Variants in COL14A1 observed in about 807,000 individuals in gnomAD.
The protein encoded by COL14A1 is collagen type XIV alpha 1 chain.
COL14A1 carries 136 observed loss-of-function variants against 230.3 expected under a neutral mutation model. That is an observed-to-expected ratio of 0.59 (90% CI 0.51 to 0.68). COL14A1 has a LOEUF of 0.68. Ranked by LOEUF, COL14A1 falls within the 30% of genes least tolerant of loss-of-function variation. The pLI is 0.00. For missense variants in COL14A1, 1,976 were observed against 2,215.8 expected (o/e 0.89, Z 2.17); for synonymous variants, 792 against 784.1 (o/e 1.01, Z -0.17).
At chr8:120,211,997 T>C (rs1409019229) in intron 12 of COL14A1, among the ~76,000 whole-genome samples, 2 of 152,226 alleles carry the variant, frequency 1.3e-5, no homozygotes, top group Non-Finnish European at 2.9e-5. Flanking sequence ...CCCAGCTTCA[T>C]TGAGTTTGAA....
At chr8:120,210,592 T>A (rs1817589287) in intron 12 of COL14A1, among the ~76,000 whole-genome samples, 1 of 152,214 alleles carries the variant, frequency 6.6e-6, no homozygotes, top group Non-Finnish European at 1.5e-5. Context: ...GACCTTCAGA[T>A]GACTTTCAAA....
At chr8:120,147,964 G>T (rs890149076) in intron 2 of COL14A1, 34 bp downstream of exon 2, 1 of 1,391,780 alleles carries the variant, frequency 7.2e-7, no homozygotes, top group African/African-American at 1.4e-5. Flanking sequence ...GTAGGGTCTG[G>T]GACTCTAGCT....
intron 46 of COL14A1, among the ~76,000 whole-genome samples, chr8:120,368,581 C>A (rs1470380635): frequency 6.9e-6 from 1 of 145,034 alleles, no homozygotes; most frequent in African/African-American, 2.6e-5. Flanking sequence ...TGTTGGAACC[C>A]GGACCTAAAA....
At position 120,332,742 on chromosome 8, in the gene COL14A1, A is replaced by G. The variant is rs964467653; in HGVS notation, c.4785+7A>G. 1.2e-6 allele frequency: 2 copies of G among 1,610,416 alleles called. No homozygotes were observed. Among genetic ancestry groups the G allele is most frequent in the Non-Finnish European group, 1.7e-6 (2 of 1,177,574 alleles). ...AGGCGCCCTGGGACCACCTGTGAGTATGCAGCGGTAGCTGCTCAGAATGTA... is the reference window on the plus strand; with the variant it reads ...AGGCGCCCTGGGACCACCTGTGAGTGTGCAGCGGTAGCTGCTCAGAATGTA... On this transcript the variant is annotated splice_region_variant and intron_variant, in intron 42 of 47. Transcript: ENST00000297848.
chr8:120,316,616 C>T (rs866045769), intron 40 of COL14A1, among the ~76,000 whole-genome samples: 1 of 152,106 alleles, frequency 6.6e-6, no homozygotes, highest in Middle Eastern at 3.4e-3. Context: ...TTATTACATG[C>T]TATCATGGGA....
intron 3 of COL14A1, among the ~76,000 whole-genome samples, chr8:120,160,957 A>G (rs1224883283): frequency 2.0e-5 from 3 of 152,160 alleles, no homozygotes; most frequent in African/African-American, 7.2e-5. Flanking sequence ...ATAACTCTCA[A>G]AGAGGGACTC....
At chr8:120,314,235 T>C (rs539146780) in intron 38 of COL14A1, among the ~76,000 whole-genome samples, 2 of 152,334 alleles carry the variant, frequency 1.3e-5, no homozygotes, top group Middle Eastern at 3.4e-3. Flanking sequence ...TGCATACTTA[T>C]TGGAGGTAGG....
At chr8:120,310,625 G>T (rs1361112604) in intron 37 of COL14A1, among the ~76,000 whole-genome samples, 1 of 152,140 alleles carries the variant, frequency 6.6e-6, no homozygotes, top group Non-Finnish European at 1.5e-5. Context: ...TTGCACAAAG[G>T]CATCCTGAGG....
chr8:120,225,220 C>T lies in COL14A1; in HGVS notation c.1864+6C>T. On this transcript the variant is annotated splice_donor_region_variant and intron_variant, in intron 15 of 47. Transcript: ENST00000297848. The stretch of plus-strand genomic sequence containing the variant: ...GACTGGAGTTTTTACCACCGGTAAG[C>T]AGCCTCATTATGGTTTGAAAAGTTT... 6.2e-7 allele frequency: 1 copy of T among 1,610,648 alleles called. No individual in the cohort carries two copies. The highest frequency in any genetic ancestry group is 8.5e-7 in the Non-Finnish European group (1 of 1,178,876).
intron 19 of COL14A1, among the ~76,000 whole-genome samples, chr8:120,240,186 T>C (rs1818570698): frequency 6.6e-6 from 1 of 151,168 alleles, no homozygotes. Flanking sequence ...CAAAACTGTT[T>C]TTTTTTTTCT....
At chr8:120,152,765 C>G (rs141564001) in intron 2 of COL14A1, among the ~76,000 whole-genome samples, 1,685 of 152,238 alleles carry the variant, frequency 0.011, 14 homozygotes, top group Non-Finnish European at 0.019. Context: ...TCCACACTTT[C>G]TTGGAAATTT....
intron 24 of COL14A1, among the ~76,000 whole-genome samples, chr8:120,266,560 C>T (rs764550779): frequency 6.6e-6 from 1 of 152,050 alleles, no homozygotes; most frequent in Non-Finnish European, 1.5e-5. Flanking sequence ...ATTAGAACCA[C>T]TTTGTAGTTG....
At chr8:120,278,833 A>C (rs2129885721) in intron 28 of COL14A1, among the ~76,000 whole-genome samples, 1 of 152,236 alleles carries the variant, frequency 6.6e-6, no homozygotes, top group African/African-American at 2.4e-5. Context: ...CTAGCAATTA[A>C]GTACTGTAAG....
At chr8:120,249,471 C>G (rs927945277) in intron 21 of COL14A1, among the ~76,000 whole-genome samples, 1 of 152,072 alleles carries the variant, frequency 6.6e-6, no homozygotes, top group Non-Finnish European at 1.5e-5. Context: ...TGCTTTAGGC[C>G]GGAAGCATGC....
chr8:120,184,211 T>G (rs1042560491), intron 5 of COL14A1, among the ~76,000 whole-genome samples: 24 of 147,608 alleles, frequency 1.6e-4, no homozygotes, highest in South Asian at 1.1e-3. Flanking sequence ...GGTGTGTGTG[T>G]GGGGGGGGAA....
chr8:120,185,753 A>T (rs899788985), intron 5 of COL14A1, among the ~76,000 whole-genome samples: 2 of 151,958 alleles, frequency 1.3e-5, no homozygotes, highest in Non-Finnish European at 2.9e-5. Flanking sequence ...TCCTCTCTGA[A>T]CCTCAATTTC....
In COL14A1 at chr8:120,332,156, G is replaced by A. The variant is rs777777699; in HGVS notation, c.4675G>A (p.Asp1559Asn). The change falls in exon 41 of 48, where the codon GAT becomes AAT. Residue 1559 changes from aspartate to asparagine, a missense_variant. By Grantham distance (23) the Asp-to-Asn change is conservative. Coordinates refer to ENST00000297848, the MANE Select transcript of COL14A1 (RefSeq NM_021110.4). ...SPGQRGLPGK[D>N]GSSGPPGPPG... ...TTTTCGCCAGGGCCTTCCGGGAAAG[G>A]ATGGATCCTCGGGACCTCCAGGACC... 6.2e-7 allele frequency: 1 copy of A among 1,614,114 alleles called. No homozygotes were observed.
intron 5 of COL14A1, among the ~76,000 whole-genome samples, chr8:120,173,396 G>A (rs554973779): frequency 3.9e-5 from 6 of 152,026 alleles, no homozygotes; most frequent in Non-Finnish European, 8.8e-5. Flanking sequence ...TTTCTACCTG[G>A]CCCTAAAATG....
intron 36 of COL14A1, among the ~76,000 whole-genome samples, chr8:120,304,205 C>T (rs10100841): frequency 0.54 from 82,138 of 151,938 alleles, 24,010 homozygotes; most frequent in African/African-American, 0.79. Context: ...CTACTGGATT[C>T]GTTGTCTTTT....
Sources: allele counts gnomAD v4.1 joint callset (sites outside exome capture counted in the v4.1 genomes callset), GRCh38; gene constraint gnomAD v4.1.1; transcripts MANE v1.5; gene names NCBI Gene and HGNC (gene_info 2026-07-23, HGNC 2026-07-21).